The following DMRT1 variants were observed in gnomAD, a reference collection of about 807,000 sequenced individuals.
The protein encoded by DMRT1 is doublesex- and mab-3-related transcription factor 1.
In DMRT1, 7 loss-of-function variants were observed where a neutral mutation model predicts 32.3. That is an observed-to-expected ratio of 0.22 (90% CI 0.12 to 0.41). The LOEUF (loss-of-function observed/expected upper bound fraction) is 0.41, where lower values mean the gene tolerates loss of function less well. DMRT1 is among the 10% of genes least tolerant of loss of function. DMRT1 has a pLI of 1.00. For synonymous variants in DMRT1, 278 were observed against 206.1 expected, an observed-to-expected ratio of 1.35 and a Z score of -2.99; for missense variants, 625 against 500.5, an observed-to-expected ratio of 1.25 and a Z score of -2.37.
At chr9:962,037 T>C (rs1185233194) in intron 4 of DMRT1, among the ~76,000 whole-genome samples, 1 of 152,214 alleles carries the variant, frequency 6.6e-6, no homozygotes, top group East Asian at 1.9e-4. Flanking sequence ...GTGGTTTTAC[T>C]GCAGGATGTT....
At chr9:901,933 G>A (rs868019012) in intron 3 of DMRT1, among the ~76,000 whole-genome samples, 427 of 109,566 alleles carry the variant, frequency 3.9e-3, no homozygotes, top group African/African-American at 0.017. Flanking sequence ...TTTTTTTTGA[G>A]ACAGAGTCTC....
At chr9:877,859 A>C (rs1816568131) in intron 2 of DMRT1, among the ~76,000 whole-genome samples, 1 of 152,170 alleles carries the variant, frequency 6.6e-6, no homozygotes, top group African/African-American at 2.4e-5. Flanking sequence ...AGGTGAGAAA[A>C]GTACACCTGG....
chr9:851,176 T>C (rs955696290), intron 2 of DMRT1, among the ~76,000 whole-genome samples: 9 of 152,170 alleles, frequency 5.9e-5, no homozygotes, highest in Non-Finnish European at 1.3e-4. Flanking sequence ...ACTTTCTACT[T>C]TCTAATACCT....
At chr9:868,316 T>C (rs1354603641) in intron 2 of DMRT1, among the ~76,000 whole-genome samples, 4 of 152,224 alleles carry the variant, frequency 2.6e-5, no homozygotes, top group East Asian at 3.8e-4. Flanking sequence ...TTATCCTGGA[T>C]CTTACAGGGG....
chr9:858,771 G>C (rs550601252), intron 2 of DMRT1, among the ~76,000 whole-genome samples: 18 of 151,214 alleles, frequency 1.2e-4, no homozygotes, highest in Non-Finnish European at 2.6e-4. Context: ...CTACTTGTGA[G>C]GCTAAGGCAG....
intron 2 of DMRT1, among the ~76,000 whole-genome samples, chr9:858,885 A>C (rs1815528291): frequency 6.8e-6 from 1 of 147,358 alleles, no homozygotes; most frequent in Non-Finnish European, 1.5e-5. Context: ...ATATATATAT[A>C]TATATATATT....
chr9:874,980 T>C (rs1816434814), intron 2 of DMRT1, among the ~76,000 whole-genome samples: 1 of 151,568 alleles, frequency 6.6e-6, no homozygotes, highest in Non-Finnish European at 1.5e-5. Context: ...GCAAATTTTT[T>C]GTATTTTTTT....
chr9:929,325 T>C (rs1233405373), intron 4 of DMRT1, among the ~76,000 whole-genome samples: 1 of 152,112 alleles, frequency 6.6e-6, no homozygotes, highest in Non-Finnish European at 1.5e-5. Flanking sequence ...GAGATGAGGA[T>C]CTCACTATGT....
chr9:865,290 C>T (rs1415253435), intron 2 of DMRT1, among the ~76,000 whole-genome samples: 1 of 152,160 alleles, frequency 6.6e-6, no homozygotes, highest in Non-Finnish European at 1.5e-5. Flanking sequence ...AAAGACCTGG[C>T]TCAGTTTCTT....
At chr9:857,720 C>T (rs1033454417) in intron 2 of DMRT1, among the ~76,000 whole-genome samples, 1 of 151,056 alleles carries the variant, frequency 6.6e-6, no homozygotes, top group Non-Finnish European at 1.5e-5. Context: ...TGGTGTGCTG[C>T]ACCCATTAAC....
intron 4 of DMRT1, among the ~76,000 whole-genome samples, chr9:949,856 C>T: frequency 6.6e-6 from 1 of 152,198 alleles, no homozygotes; most frequent in East Asian, 1.9e-4. Flanking sequence ...GCACAGTGTC[C>T]TCCAGGTTCA....
intron 2 of DMRT1, among the ~76,000 whole-genome samples, chr9:858,322 C>T (rs959209835): frequency 6.6e-6 from 1 of 152,020 alleles, no homozygotes; most frequent in African/African-American, 2.4e-5. Context: ...ACGCTTGCTG[C>T]CATAGGGAAC....
At chr9:908,470 TA>T (rs1554754979) in intron 3 of DMRT1, among the ~76,000 whole-genome samples, 1 of 147,358 alleles carries the variant, frequency 6.8e-6, no homozygotes, top group Non-Finnish European at 1.5e-5. Flanking sequence ...AATGTTTTTT[TA>T]AAAAAGACTG....
Position 965,415 on chromosome 9 carries a change from C to T in DMRT1, c.968-2570C>T, listed in dbSNP as rs573685638. The stretch of plus-strand genomic sequence containing the variant: ...TGCATTAAAAGTATGCTTGGAGCCC[C>T]GCTAGTCCATGCAGGTAATATTCTG... On this transcript the variant is annotated intron_variant, in intron 4 of 4. Coordinates refer to ENST00000382276, the MANE Select transcript of DMRT1 (RefSeq NM_021951.3). This position sits in a 1 kb window ranked among gnomAD's most constrained non-coding sequence, Gnocchi z 4.5. Among the ~76,000 whole-genome samples, 37 of 152,322 alleles carry T rather than the reference C, an allele frequency of 2.4e-4. No homozygotes were observed. The highest frequency in any genetic ancestry group is 9.1e-4 in the Admixed American group (14 of 15,304).
chr9:890,005 G>C (rs1817076445), intron 2 of DMRT1, among the ~76,000 whole-genome samples: 1 of 150,524 alleles, frequency 6.6e-6, no homozygotes, highest in Admixed American at 6.6e-5. Context: ...TAAGGCTTTT[G>C]TAATCAGATA....
intron 4 of DMRT1, among the ~76,000 whole-genome samples, chr9:954,336 T>C (rs445398): frequency 0.72 from 109,895 of 151,764 alleles, 40,364 homozygotes; most frequent in East Asian, 0.99. Flanking sequence ...CACCAGATGC[T>C]AGCAGAGAAG....
rs182682284 is a variant in DMRT1, at chr9:851,993, G to T, written c.538+4850G>T. On this transcript the variant is annotated intron_variant, in intron 2 of 4. Transcript: ENST00000382276. ...CTCACTCTGTCGCTTAGGCTGGAGT[G>T]CTGTGGCGCGATCCCAGCTCACTGC... Among the ~76,000 whole-genome samples the T allele has an allele frequency of 4.4e-3, 660 of 149,988 alleles. 4 individuals are homozygous for T. Among genetic ancestry groups the T allele is most frequent in the Middle Eastern group, 0.024 (7 of 290 alleles).
intron 2 of DMRT1, among the ~76,000 whole-genome samples, chr9:884,841 G>A (rs112940404): frequency 0.082 from 12,510 of 152,014 alleles, 1,076 homozygotes; most frequent in African/African-American, 0.22. Flanking sequence ...ACGGTGGTGC[G>A]CACCTGTAAT....
chr9:856,692 T>C (rs1462254682), intron 2 of DMRT1, among the ~76,000 whole-genome samples: 1 of 152,254 alleles, frequency 6.6e-6, no homozygotes, highest in Non-Finnish European at 1.5e-5. Context: ...GTAATGTTGC[T>C]GTGAACTTGT....
Sources: allele counts gnomAD v4.1 joint callset (sites outside exome capture counted in the v4.1 genomes callset), GRCh38; gene constraint gnomAD v4.1.1; non-coding constraint Gnocchi (gnomAD v3.1); transcripts MANE v1.5; gene names NCBI Gene and HGNC (gene_info 2026-07-23, HGNC 2026-07-21).